MYH11: variants seen among roughly 807,000 people sequenced by gnomAD.
MYH11 encodes the protein myosin-11.
Under a neutral mutation model 246.6 loss-of-function variants are expected in MYH11, and 80 were observed. The ratio of observed to expected loss-of-function variants is 0.32; its 90% CI spans 0.27 to 0.39. MYH11 has a LOEUF of 0.39. MYH11 is among the 10% of genes least tolerant of loss of function. The probability of loss-of-function intolerance (pLI) is 1.00; values close to 1 mark genes in which losing one functional copy is unlikely to be tolerated. For missense variants in MYH11, 2,158 were observed against 2,546.8 expected (o/e 0.85, Z 3.29); for synonymous variants, 1,071 against 1,015.5 (o/e 1.05, Z -1.04).
At chr16:15,740,533 C>G (rs1401624401) in intron 22 of MYH11, among the ~76,000 whole-genome samples, 1 of 151,748 alleles carries the variant, frequency 6.6e-6, no homozygotes, top group African/African-American at 2.4e-5. Context: ...ATCGCTTGAA[C>G]CCGAGAGGCA....
At position 15,751,609 on chromosome 16, in the gene MYH11, C is replaced by CTTT. The variant is rs34772774; in HGVS notation, c.1865-1281_1865-1279dup. Among the ~76,000 whole-genome samples the CTTT allele has an allele frequency of 2.6e-4, 30 of 116,342 alleles. 1 individual carries two copies. Among genetic ancestry groups the CTTT allele is most frequent in the African/African-American group, 4.0e-4 (11 of 27,176 alleles). 76.3% of individuals were successfully genotyped at this position (116,342 alleles called of 152,430 possible). On this transcript the variant is annotated intron_variant, in intron 15 of 40. Coordinates refer to ENST00000300036, the MANE Select transcript of MYH11 (RefSeq NM_002474.3). The stretch of plus-strand genomic sequence containing the variant: ...TTCTACTCAGATTCTGTGTAACAAT[C>CTTT]TTTTTTTTTTTTTTTTTTTTTTGAG...
intron 4 of MYH11, among the ~76,000 whole-genome samples, chr16:15,790,001 C>G (rs2042570637): frequency 6.6e-6 from 1 of 152,174 alleles, no homozygotes; most frequent in African/African-American, 2.4e-5. Context: ...CTCTCACCTC[C>G]TCCCTTTTAC....
intron 15 of MYH11, among the ~76,000 whole-genome samples, chr16:15,751,326 A>T (rs1400804871): frequency 2.0e-5 from 3 of 150,918 alleles, no homozygotes; most frequent in African/African-American, 7.3e-5. Flanking sequence ...CGCCCGGCTC[A>T]TTTTTTTTAT....
intron 4 of MYH11, chr16:15,792,095 C>G (rs746988621): frequency 6.6e-6 from 1 of 152,166 alleles, no homozygotes; most frequent in African/African-American, 2.4e-5. Flanking sequence ...AGTTTTGCTT[C>G]TTGCTCAGGC....
At chr16:15,747,755 C>G in intron 18 of MYH11, 25 bp from the exon 19 acceptor site, 1 of 1,613,870 alleles carries the variant, frequency 6.2e-7, no homozygotes, top group Non-Finnish European at 8.5e-7. Flanking sequence ...AAAGGAAGAG[C>G]TCCTGATTTC....
intron 1 of MYH11, among the ~76,000 whole-genome samples, chr16:15,848,362 T>A (rs1712399096): frequency 6.6e-6 from 1 of 151,686 alleles, no homozygotes; most frequent in Admixed American, 6.6e-5. Context: ...GCCTCCCAAG[T>A]AGCTGGGACT....
At chr16:15,801,942 G>A (rs954447096) in intron 3 of MYH11, among the ~76,000 whole-genome samples, 3 of 152,022 alleles carry the variant, frequency 2.0e-5, no homozygotes, top group Admixed American at 6.6e-5. Context: ...GGGCAACAGA[G>A]CGAGACTCCA....
Position 15,708,876 on chromosome 16 carries a change from C to T in MYH11, c.5787-4753G>A, listed in dbSNP as rs750451237. 27 of 1,603,500 alleles carry T rather than the reference C, an allele frequency of 1.7e-5. No homozygotes were observed. In the South Asian group the frequency reaches 2.9e-4, roughly 17 times the overall value. On this transcript the variant is annotated intron_variant, in intron 40 of 40. Coordinates refer to ENST00000300036, the MANE Select transcript of MYH11 (RefSeq NM_002474.3). ...AGAGAGAATCCCCGGAGGTTACCATCAGCAAACAAGAAGGAGCCCGGTTAA... is the reference window on the plus strand; with the variant it reads ...AGAGAGAATCCCCGGAGGTTACCATTAGCAAACAAGAAGGAGCCCGGTTAA...
At chr16:15,709,014 C>A (rs1430880153) in intron 40 of MYH11, among the ~76,000 whole-genome samples, 2 of 151,956 alleles carry the variant, frequency 1.3e-5, no homozygotes, top group Non-Finnish European at 2.9e-5. Context: ...GCGATCTTGG[C>A]TCACTGCAAC....
At chr16:15,823,979 G>A (rs1352685896) in intron 2 of MYH11, among the ~76,000 whole-genome samples, 2 of 152,002 alleles carry the variant, frequency 1.3e-5, no homozygotes, top group African/African-American at 2.4e-5. Flanking sequence ...CCACTCCTCC[G>A]ACCTGCCACT....
intron 1 of MYH11, among the ~76,000 whole-genome samples, chr16:15,847,604 G>GA (rs1332018796): frequency 1.3e-5 from 2 of 152,202 alleles, no homozygotes; most frequent in Non-Finnish European, 2.9e-5. Context: ...TTAAAAGTCA[G>GA]AAAAAATAGC....
intron 27 of MYH11, 111 bp from the exon 28 acceptor site, chr16:15,727,165 G>T: frequency 1.1e-6 from 1 of 900,936 alleles, no homozygotes; most frequent in Non-Finnish European, 1.8e-6. Context: ...ACAACAGGGG[G>T]CACACAATCA....
intron 10 of MYH11, 37 bp downstream of exon 10, chr16:15,763,759 C>CCCCCCCCCCA: frequency 1.7e-6 from 2 of 1,151,248 alleles, no homozygotes; most frequent in Non-Finnish European, 2.6e-6. Flanking sequence ...CCCCCCAACC[C>CCCCCCCCCCA]CAAAGTCATT....
rs1555569336 is a variant in MYH11, at chr16:15,788,077, C to CTTTTTTTTTTTTTTTTTT, written c.531-1363_531-1346dup. ...GTCCTCCTGGAATATGAAGGTAGAT[C>CTTTTTTTTTTTTTTTTTT]TTTTTTTTTTTTTTTTTTACCAAGA... On this transcript the variant is annotated intron_variant, in intron 4 of 40. Coordinates refer to ENST00000300036, the MANE Select transcript of MYH11 (RefSeq NM_002474.3). Among the ~76,000 whole-genome samples, 15 of 55,364 alleles carry CTTTTTTTTTTTTTTTTTT rather than the reference C, an allele frequency of 2.7e-4. 4 individuals are homozygous for CTTTTTTTTTTTTTTTTTT. Among genetic ancestry groups the CTTTTTTTTTTTTTTTTTT allele is most frequent in the South Asian group, 1.8e-3 (2 of 1,100 alleles). 36.3% of individuals were successfully genotyped at this position (55,364 alleles called of 152,430 possible).
In MYH11 at chr16:15,708,842, CTG is replaced by C. The variant is rs768287089; in HGVS notation, c.5787-4721_5787-4720del. On this transcript the variant is annotated intron_variant, in intron 40 of 40. Transcript: ENST00000300036. ...CGAAGTTTCCTGTGGGGGGGGCCCTCTGAAACAGAGAGAGAATCCCCGGAGGT... is the reference window on the plus strand; with the variant it reads ...CGAAGTTTCCTGTGGGGGGGGCCCTCAAACAGAGAGAGAATCCCCGGAGGT... The C allele has an allele frequency of 6.2e-7, 1 of 1,610,086 alleles. No homozygotes were observed. Among genetic ancestry groups the C allele is most frequent in the Admixed American group, 1.7e-5 (1 of 59,360 alleles).
At chr16:15,834,253 G>A (rs887673790) in intron 2 of MYH11, among the ~76,000 whole-genome samples, 39 of 152,044 alleles carry the variant, frequency 2.6e-4, no homozygotes, top group African/African-American at 9.4e-4. Context: ...CTGGCTGGGC[G>A]TGGTGGTTCA....
At position 15,757,415 on chromosome 16, in the gene MYH11, G is replaced by A. The variant is rs189674832; in HGVS notation, c.1575+412C>T. Among the ~76,000 whole-genome samples the A allele has an allele frequency of 2.3e-4, 34 of 149,960 alleles. 1 individual carries two copies. In the East Asian group the frequency reaches 6.8e-3, roughly 30 times the overall value. On this transcript the variant is annotated intron_variant, in intron 13 of 40. Coordinates refer to ENST00000300036, the MANE Select transcript of MYH11 (RefSeq NM_002474.3). ...TCTCAGCCACTTGGGAGGCTGAGGC[G>A]GGAGGATCACTTGAGGCAGGGAGGT...
chr16:15,815,924 C>T (rs774743099), intron 3 of MYH11, among the ~76,000 whole-genome samples: 1 of 151,774 alleles, frequency 6.6e-6, no homozygotes, highest in Non-Finnish European at 1.5e-5. Flanking sequence ...AAGGCAACAA[C>T]ACAAATGCCT....
At chr16:15,709,611 G>A (rs145034893) in intron 40 of MYH11, among the ~76,000 whole-genome samples, 55 of 152,238 alleles carry the variant, frequency 3.6e-4, no homozygotes, top group African/African-American at 1.2e-3. Context: ...CACTGCACCC[G>A]GCTCAGTTTT....
Sources: allele counts gnomAD v4.1 joint callset (sites outside exome capture counted in the v4.1 genomes callset), GRCh38; gene constraint gnomAD v4.1.1; transcripts MANE v1.5; gene names NCBI Gene and HGNC (gene_info 2026-07-23, HGNC 2026-07-21).